TRPM3: variants seen among roughly 807,000 people sequenced by gnomAD.
TRPM3 encodes the protein transient receptor potential cation channel subfamily M member 3, also known as long transient receptor potential channel 3.
In TRPM3, 77 loss-of-function variants were observed where a neutral mutation model predicts 181.2. That is an observed-to-expected ratio of 0.42 (90% CI 0.35 to 0.51). TRPM3 has a LOEUF of 0.51. Ranked by LOEUF, TRPM3 falls within the 20% of genes least tolerant of loss-of-function variation. TRPM3 has a pLI of 0.01. For synonymous variants in TRPM3, 745 were observed against 796.4 expected, an observed-to-expected ratio of 0.94 and a Z score of 1.09; for missense variants, 1,759 against 2,196.7, an observed-to-expected ratio of 0.80 and a Z score of 3.98.
At chr9:70,568,601 G>A (rs181124567) in intron 22 of TRPM3, among the ~76,000 whole-genome samples, 2 of 152,250 alleles carry the variant, frequency 1.3e-5, no homozygotes, top group East Asian at 1.9e-4. Flanking sequence ...ATACAAAGTA[G>A]ATACTATTAT....
chr9:70,666,776 G>A (rs2061904991), intron 9 of TRPM3, among the ~76,000 whole-genome samples: 2 of 152,154 alleles, frequency 1.3e-5, no homozygotes, highest in Middle Eastern at 6.8e-3. Context: ...ACCTGAAAAT[G>A]TATGTTCTGG....
chr9:70,540,616 C>T (rs1259656346), intron 25 of TRPM3, among the ~76,000 whole-genome samples: 1 of 152,242 alleles, frequency 6.6e-6, no homozygotes. Context: ...GGAAGGATGG[C>T]TTGAGCCCTG....
At chr9:71,276,074 C>T (rs2084188860) in intron 1 of TRPM3, among the ~76,000 whole-genome samples, 1 of 152,088 alleles carries the variant, frequency 6.6e-6, no homozygotes, top group Non-Finnish European at 1.5e-5. Context: ...ATCTCCTGAC[C>T]TCGTGATCCA....
intron 1 of TRPM3, among the ~76,000 whole-genome samples, chr9:70,924,728 C>G (rs148642918): frequency 6.6e-6 from 1 of 152,132 alleles, no homozygotes. Context: ...CATGTTAACA[C>G]TAATACGTAA....
Position 70,537,133 on chromosome 9 carries a change from A to G in TRPM3, c.3980T>C (p.Ile1327Thr). Reference sequence around the variant, plus strand: ...CATGGTCTCCTCACCTGCAGGGTCTATACTCTCTTGGAGCTTGAAGGTGTT... The same window carrying G: ...CATGGTCTCCTCACCTGCAGGGTCTGTACTCTCTTGGAGCTTGAAGGTGTT... ...EGNTFKLQES[I>T]DPAGEETMSP... Residue 1327 changes from isoleucine to threonine, a missense_variant, in exon 26 of 26, where the codon ATA becomes ACA. Physicochemically the swap from Ile to Thr is moderately conservative, Grantham distance 89 (BLOSUM62 -1). Transcript: ENST00000677713. The G allele has an allele frequency of 2.5e-6, 4 of 1,601,896 alleles. No homozygotes were observed. Among genetic ancestry groups the G allele is most frequent in the Non-Finnish European group, 3.4e-6 (4 of 1,170,442 alleles).
chr9:71,093,116 C>G (rs1050781157), intron 1 of TRPM3, among the ~76,000 whole-genome samples: 2 of 151,910 alleles, frequency 1.3e-5, no homozygotes, highest in Non-Finnish European at 2.9e-5. Context: ...ATGTAAAACC[C>G]AAAACCATAA....
At chr9:70,649,080 T>A (rs2059283660) in intron 9 of TRPM3, among the ~76,000 whole-genome samples, 1 of 152,074 alleles carries the variant, frequency 6.6e-6, no homozygotes, top group Admixed American at 6.6e-5. Flanking sequence ...AGAAAATATT[T>A]GCAAATTATA....
chr9:70,841,661 T>TATA (rs1339698170), intron 5 of TRPM3, among the ~76,000 whole-genome samples: 2 of 86,078 alleles, frequency 2.3e-5, no homozygotes, highest in Non-Finnish European at 4.6e-5. Flanking sequence ...TATATATATA[T>TATA]CCCACCATAT....
intron 1 of TRPM3, among the ~76,000 whole-genome samples, chr9:71,022,271 G>C (rs957663595): frequency 1.3e-5 from 2 of 152,174 alleles, no homozygotes; most frequent in Non-Finnish European, 2.9e-5. Flanking sequence ...TTTGACAAAG[G>C]TGCAAAAGCA....
At chr9:71,007,039 C>CAAAAAAAAAAAA (rs59442017) in intron 1 of TRPM3, among the ~76,000 whole-genome samples, 15 of 27,976 alleles carry the variant, frequency 5.4e-4, no homozygotes, top group Non-Finnish European at 7.6e-4. Context: ...AACTCCATCT[C>CAAAAAAAAAAAA]AAAAAAAAAA....
chr9:70,967,567 A>G (rs1322233998), intron 1 of TRPM3, among the ~76,000 whole-genome samples: 1 of 152,110 alleles, frequency 6.6e-6, no homozygotes, highest in South Asian at 2.1e-4. Context: ...AAGTACACAA[A>G]GAACTTTTCA....
Position 71,410,953 on chromosome 9 carries a change from A to C in TRPM3, c.183+35700T>G, listed in dbSNP as rs552023866. Reference sequence around the variant, plus strand: ...GGATGCAAGGCTAGTTCAACATATGAAAATCAATAAACGTAATCCATCATA... The same window carrying C: ...GGATGCAAGGCTAGTTCAACATATGCAAATCAATAAACGTAATCCATCATA... On this transcript the variant is annotated intron_variant, in intron 1 of 24. Coordinates refer to the TRPM3 transcript ENST00000357533. Among the ~76,000 whole-genome samples the C allele has an allele frequency of 5.6e-4, 85 of 152,286 alleles. 1 individual carries two copies. The highest frequency in any genetic ancestry group is 1.9e-3 in the African/African-American group (80 of 41,568).
At chr9:71,303,618 C>T (rs1232664731) in intron 1 of TRPM3, among the ~76,000 whole-genome samples, 1 of 152,122 alleles carries the variant, frequency 6.6e-6, no homozygotes, top group Admixed American at 6.5e-5. Flanking sequence ...TATAAGCTCC[C>T]TGAGGGACAG....
intron 1 of TRPM3, among the ~76,000 whole-genome samples, chr9:71,361,917 T>A (rs1009565452): frequency 6.6e-6 from 1 of 152,122 alleles, no homozygotes; most frequent in African/African-American, 2.4e-5. Flanking sequence ...TGCAATCCAA[T>A]GGAAGCTAGT....
At chr9:71,428,008 T>G (rs2131590931) in intron 1 of TRPM3, among the ~76,000 whole-genome samples, 1 of 152,304 alleles carries the variant, frequency 6.6e-6, no homozygotes, top group South Asian at 2.1e-4. Flanking sequence ...CAAGCTATAG[T>G]TTTCCTAACA....
chr9:71,082,425 C>A (rs1263144596), intron 1 of TRPM3, among the ~76,000 whole-genome samples: 1 of 152,068 alleles, frequency 6.6e-6, no homozygotes, highest in East Asian at 1.9e-4. Flanking sequence ...TCATGTAATA[C>A]CTACTAGCAT....
intron 16 of TRPM3, among the ~76,000 whole-genome samples, chr9:70,619,865 T>C (rs1409720026): frequency 1.3e-5 from 2 of 152,172 alleles, no homozygotes; most frequent in East Asian, 3.9e-4. Context: ...CATGGGGAAG[T>C]TGACAGGATG....
intron 1 of TRPM3, among the ~76,000 whole-genome samples, chr9:71,050,708 C>G (rs558509916): frequency 6.6e-6 from 1 of 152,322 alleles, no homozygotes; most frequent in Admixed American, 6.5e-5. Flanking sequence ...GGTGCACACC[C>G]ATTTTTCAGA....
intron 1 of TRPM3, among the ~76,000 whole-genome samples, chr9:70,921,835 C>A (rs1000842943): frequency 1.3e-5 from 2 of 152,088 alleles, no homozygotes; most frequent in East Asian, 3.9e-4. Context: ...CCTCAAGGAA[C>A]AGAATGCTGC....
Sources: allele counts gnomAD v4.1 joint callset (sites outside exome capture counted in the v4.1 genomes callset), GRCh38; gene constraint gnomAD v4.1.1; transcripts MANE v1.5; gene names NCBI Gene and HGNC (gene_info 2026-07-23, HGNC 2026-07-21).